CCDC146: variants seen among roughly 807,000 people sequenced by gnomAD.
CCDC146 encodes the protein coiled-coil domain-containing protein 146.
CCDC146 carries 92 observed loss-of-function variants against 119.3 expected under a neutral mutation model. That is an observed-to-expected ratio of 0.77 (90% CI 0.65 to 0.92). The LOEUF is 0.92. Among genes scored for constraint, CCDC146 ranks in the 40% least tolerant of loss-of-function variants. The pLI, the probability that CCDC146 is intolerant of heterozygous loss-of-function variation, is 0.00. For synonymous variants in CCDC146, 372 were observed against 371.8 expected (o/e 1.00, Z -0.01); for missense variants, 1,000 against 1,103.0 (o/e 0.91, Z 1.32).
chr7:77,261,919 G>T (rs1584122692), intron 8 of CCDC146, among the ~76,000 whole-genome samples: 1 of 152,208 alleles, frequency 6.6e-6, no homozygotes, highest in South Asian at 2.1e-4. Context: ...GTGTGCATGT[G>T]TCTTTAGGAT....
intron 4 of CCDC146, among the ~76,000 whole-genome samples, chr7:77,242,818 A>G (rs1014617081): frequency 1.3e-5 from 2 of 151,622 alleles, no homozygotes; most frequent in African/African-American, 4.9e-5. Context: ...TGACTTGAGC[A>G]ACCTCTCAAA....
Position 77,241,793 on chromosome 7 carries a change from A to C in CCDC146, c.342A>C (p.Glu114Asp). Reference protein sequence around the residue: ...FHLQQADNFPEAFSTEVSKMR... With the variant: ...FHLQQADNFPDAFSTEVSKMR... Reference sequence around the variant, plus strand: ...TGCAGCAAGCTGATAATTTTCCAGAAGCATTCTCCACGGAGGTCTCCAAAA... The same window carrying C: ...TGCAGCAAGCTGATAATTTTCCAGACGCATTCTCCACGGAGGTCTCCAAAA... The change falls in exon 4 of 19, where the codon GAA becomes GAC. Residue 114 changes from glutamate (E) to aspartate (D), a missense_variant. Glu to Asp is a conservative substitution (Grantham distance 45). Transcript: ENST00000285871. The C allele has an allele frequency of 6.2e-7, 1 of 1,614,130 alleles. No individual in the cohort carries two copies. The highest frequency in any genetic ancestry group is 8.5e-7 in the Non-Finnish European group (1 of 1,180,016).
chr7:77,186,118 T>A (rs577270462), intron 2 of CCDC146, among the ~76,000 whole-genome samples: 1 of 152,162 alleles, frequency 6.6e-6, no homozygotes, highest in African/African-American at 2.4e-5. Flanking sequence ...AGCTACCATA[T>A]GACCAAGCAA....
intron 2 of CCDC146, among the ~76,000 whole-genome samples, chr7:77,213,707 A>G (rs1199876442): frequency 6.6e-6 from 1 of 152,156 alleles, no homozygotes; most frequent in Non-Finnish European, 1.5e-5. Context: ...CCCACTTATA[A>G]GTTAGAAAAT....
chr7:77,250,842 T>C (rs1793043358), intron 4 of CCDC146, among the ~76,000 whole-genome samples: 1 of 151,516 alleles, frequency 6.6e-6, no homozygotes, highest in South Asian at 2.1e-4. Flanking sequence ...TTTTTTTTTT[T>C]TTCCAGTTTG....
At chr7:77,272,071 G>A (rs1793534731) in intron 9 of CCDC146, among the ~76,000 whole-genome samples, 1 of 152,142 alleles carries the variant, frequency 6.6e-6, no homozygotes, top group Non-Finnish European at 1.5e-5. Context: ...CTCTATCCAG[G>A]AGGTCTTAAC....
chr7:77,182,208 A>C (rs961991682), intron 2 of CCDC146, among the ~76,000 whole-genome samples: 2 of 152,210 alleles, frequency 1.3e-5, no homozygotes, highest in African/African-American at 4.8e-5. Context: ...GACAGGCTCA[A>C]AATATCTTAA....
chr7:77,256,292 G>C, intron 5 of CCDC146, 41 bp from the exon 6 acceptor site: 1 of 1,445,590 alleles, frequency 6.9e-7, no homozygotes, highest in Non-Finnish European at 9.3e-7. Flanking sequence ...ATAAATGTTT[G>C]CTCAGACTAT....
intron 2 of CCDC146, among the ~76,000 whole-genome samples, chr7:77,229,891 A>C (rs1377364538): frequency 6.6e-6 from 1 of 151,632 alleles, no homozygotes; most frequent in African/African-American, 2.4e-5. Flanking sequence ...ATCATGGCAT[A>C]ATTGTAGAAT....
intron 2 of CCDC146, among the ~76,000 whole-genome samples, chr7:77,221,126 A>G (rs559196936): frequency 6.6e-6 from 1 of 152,216 alleles, no homozygotes; most frequent in South Asian, 2.1e-4. Context: ...ACGAGACAGC[A>G]CCAAGGGGAT....
intron 1 of CCDC146, among the ~76,000 whole-genome samples, chr7:77,142,860 G>A (rs913258633): frequency 6.6e-6 from 1 of 151,330 alleles, no homozygotes; most frequent in African/African-American, 2.4e-5. Context: ...TTGTGAATAG[G>A]GCTGCAATAA....
rs570299185 is a variant in CCDC146, at chr7:77,180,737, C to T, written c.156+12913C>T. The stretch of plus-strand genomic sequence containing the variant: ...CTTTAAAAATTTTTGGATATATACC[C>T]GGAAGTGGAATGGCTGAATGATGGG... On this transcript the variant is annotated intron_variant, in intron 2 of 18. Transcript: ENST00000285871. 6.0e-4 allele frequency among the ~76,000 whole-genome samples: 92 copies of T among 152,142 alleles called. 3 individuals are homozygous for T. Among genetic ancestry groups the T allele is most frequent in the Admixed American group, 4.9e-3 (75 of 15,264 alleles).
At chr7:77,279,152 T>C in intron 13 of CCDC146, 51 bp downstream of exon 13, 1 of 1,574,978 alleles carries the variant, frequency 6.3e-7, no homozygotes, top group Non-Finnish European at 8.6e-7. Flanking sequence ...TTCTGATTCA[T>C]TTGAACTCTA....
chr7:77,157,464 C>T (rs899244477), intron 1 of CCDC146, among the ~76,000 whole-genome samples: 1 of 151,240 alleles, frequency 6.6e-6, no homozygotes, highest in Admixed American at 6.6e-5. Flanking sequence ...GAAATGTTTC[C>T]TTAATAATTC....
At chr7:77,256,103 G>A (rs201068635) in intron 5 of CCDC146, among the ~76,000 whole-genome samples, 11 of 121,142 alleles carry the variant, frequency 9.1e-5, no homozygotes, top group African/African-American at 3.4e-4. Flanking sequence ...CAAATATAAT[G>A]TTGTGTTTAA....
At chr7:77,145,090 T>A (rs986203334) in intron 1 of CCDC146, among the ~76,000 whole-genome samples, 3 of 151,802 alleles carry the variant, frequency 2.0e-5, no homozygotes, top group Non-Finnish European at 4.4e-5. Context: ...TTGCCTCAAT[T>A]TCAGAGCCTA....
chr7:77,129,346 C>G (rs1302300073), intron 1 of CCDC146, among the ~76,000 whole-genome samples: 7 of 151,924 alleles, frequency 4.6e-5, no homozygotes, highest in Non-Finnish European at 1.0e-4. Flanking sequence ...TTAATAATGG[C>G]TCCAAAGCAC....
chr7:77,151,630 T>TAA (rs544058538), intron 1 of CCDC146, among the ~76,000 whole-genome samples: 1,633 of 151,438 alleles, frequency 0.011, 21 homozygotes, highest in African/African-American at 0.037. Context: ...TGATTTAAAT[T>TAA]AAAAAAAAAC....
At chr7:77,191,675 A>G (rs948247622) in intron 2 of CCDC146, among the ~76,000 whole-genome samples, 5 of 151,750 alleles carry the variant, frequency 3.3e-5, no homozygotes, top group South Asian at 2.1e-4. Flanking sequence ...TTGGGAGGCC[A>G]AGGTGGGCGG....
Sources: gnomAD v4.1 joint callset for allele counts (sites outside exome capture counted in the v4.1 genomes callset) on GRCh38, gnomAD v4.1.1 for gene constraint, MANE v1.5 for transcripts, NCBI Gene and HGNC (gene_info 2026-07-23, HGNC 2026-07-21) for gene names.